Variants in ASCC2 observed in about 807,000 individuals in gnomAD.
ASCC2 encodes the protein activating signal cointegrator 1 complex subunit 2, also known as ASC-1 complex subunit P100.
In ASCC2, 42 loss-of-function variants were observed where a neutral mutation model predicts 93.5. That is an observed-to-expected ratio of 0.45 (90% CI 0.35 to 0.58). The LOEUF (loss-of-function observed/expected upper bound fraction) is 0.58, where lower values mean the gene tolerates loss of function less well. ASCC2 is among the 20% of genes least tolerant of loss of function. ASCC2 has a pLI of 0.00. For missense variants in ASCC2, 859 were observed against 977.6 expected (o/e 0.88, Z 1.62); for synonymous variants, 364 against 384.2 (o/e 0.95, Z 0.62).
Position 29,816,066 on chromosome 22 carries a change from G to C in ASCC2, c.549C>G (p.Ile183Met). 1 of 1,594,812 alleles carries C rather than the reference G, an allele frequency of 6.3e-7. No homozygotes were observed. Among genetic ancestry groups the C allele is most frequent in the Non-Finnish European group, 8.5e-7 (1 of 1,169,700 alleles). ...TGTAGTAACTTGGCTGCTGTGTAAA[G>C]ATGTTTCCTAAAAAGAGAAGAGAAA... ...SPLLQKMIGN[I>M]FTQQPSYYSD... The change falls in exon 6 of 20, where the codon ATC (isoleucine) becomes ATG (methionine). Residue 183 changes from isoleucine (I) to methionine (M), a missense_variant. By Grantham distance (10) the Ile-to-Met change is conservative. Coordinates refer to ENST00000307790, the MANE Select transcript of ASCC2 (RefSeq NM_032204.5).
chr22:29,834,095 T>C (rs2063485343), intron 1 of ASCC2: 1 of 171,070 alleles, frequency 5.8e-6, no homozygotes, highest in African/African-American at 2.4e-5. Flanking sequence ...CTAAGGTTAG[T>C]TCTATTATTA....
At chr22:29,798,354 T>C (rs1047504609) in intron 15 of ASCC2, among the ~76,000 whole-genome samples, 9 of 152,098 alleles carry the variant, frequency 5.9e-5, no homozygotes, top group African/African-American at 1.9e-4. Context: ...CTGGGAAAGG[T>C]ATCCTAGGCT....
intron 8 of ASCC2, among the ~76,000 whole-genome samples, chr22:29,811,311 AC>A (rs2060251956): frequency 6.6e-6 from 1 of 152,208 alleles, no homozygotes; most frequent in Admixed American, 6.5e-5. Context: ...GGAAAATTCC[AC>A]CAAAAAAACC....
chr22:29,814,257 G>A (rs1211487378), intron 7 of ASCC2, among the ~76,000 whole-genome samples: 1 of 152,172 alleles, frequency 6.6e-6, no homozygotes, highest in African/African-American at 2.4e-5. Flanking sequence ...ATGAGCGCAG[G>A]GGCCAGTCTG....
At chr22:29,835,288 C>G (rs1422756576) in intron 1 of ASCC2, among the ~76,000 whole-genome samples, 1 of 151,892 alleles carries the variant, frequency 6.6e-6, no homozygotes, top group Non-Finnish European at 1.5e-5. Context: ...GTCCCAGCTA[C>G]TTAGGAGGCT....
chr22:29,838,160 G>C lies in ASCC2; in HGVS notation c.-18+18C>G, dbSNP rs1249196717. 2 of 463,092 alleles carry C rather than the reference G, an allele frequency of 4.3e-6. No individual in the cohort carries two copies. Among genetic ancestry groups the C allele is most frequent in the Admixed American group, 2.3e-5 (1 of 42,718 alleles). The allele number at this position is 463,092 out of a possible 1,614,324, so 28.7% of individuals were successfully genotyped here. The stretch of plus-strand genomic sequence containing the variant: ...GGTCCCTTGCCCTGCATCTGGCAGG[G>C]ACCAGCCACGCACTCACCTCGGCGG... On this transcript the variant is annotated intron_variant, in intron 1 of 19. Transcript: ENST00000307790.
intron 5 of ASCC2, among the ~76,000 whole-genome samples, chr22:29,820,414 G>A (rs894356076): frequency 3.3e-5 from 5 of 151,588 alleles, no homozygotes; most frequent in African/African-American, 1.2e-4. Flanking sequence ...TGCCTGCCTC[G>A]GCCTCCCAAA....
In ASCC2 at chr22:29,790,548, G is replaced by A; in HGVS notation, c.2023C>T (p.Pro675Ser). Residue 675 changes from proline (P) to serine (S), a missense_variant and splice_region_variant, in exon 19 of 20, where the codon CCC becomes TCC. Coordinates refer to ENST00000307790, the MANE Select transcript of ASCC2 (RefSeq NM_032204.5). ...GCAGGGTCCTGAACAAAATGGTCGG[G>A]CTGTGGAAAGGAGAGGAGACCAAAT... ...EDDADEEAPK[P>S]DHFVQDPAVL... 6.2e-7 allele frequency: 1 copy of A among 1,614,034 alleles called. No individual in the cohort carries two copies. The highest frequency in any genetic ancestry group is 1.1e-5 in the South Asian group (1 of 91,076).
At chr22:29,791,835 G>A (rs950286340) in intron 18 of ASCC2, among the ~76,000 whole-genome samples, 3 of 152,210 alleles carry the variant, frequency 2.0e-5, no homozygotes, top group Admixed American at 6.5e-5. Context: ...GGCAGGGCAC[G>A]TGCTTCCCAC....
At chr22:29,813,755 A>G (rs2060535110) in intron 7 of ASCC2, among the ~76,000 whole-genome samples, 1 of 152,174 alleles carries the variant, frequency 6.6e-6, no homozygotes. Flanking sequence ...GCCTCAGGTC[A>G]TTACTCCAAT....
At chr22:29,811,656 G>A (rs1396515746) in intron 8 of ASCC2, among the ~76,000 whole-genome samples, 3 of 152,196 alleles carry the variant, frequency 2.0e-5, no homozygotes, top group Non-Finnish European at 4.4e-5. Context: ...AGGCAGTGTT[G>A]CCTTTAGTCA....
chr22:29,832,210 A>AT, intron 2 of ASCC2, 35 bp downstream of exon 2: 1 of 1,560,950 alleles, frequency 6.4e-7, no homozygotes, highest in Admixed American at 1.7e-5. Context: ...AAGACTGACA[A>AT]TATCAGGCTG....
At position 29,806,832 on chromosome 22, in the gene ASCC2, C is replaced by T. The variant is rs2059728885; in HGVS notation, c.981G>A (p.Leu327=). The T allele has an allele frequency of 1.9e-6, 3 of 1,613,972 alleles. No individual in the cohort carries two copies. Among genetic ancestry groups the T allele is most frequent in the East Asian group, 2.2e-5 (1 of 44,888 alleles). The change falls in exon 10 of 20, where the codon CTG becomes CTA. Residue 327 remains leucine, a synonymous_variant. Transcript: ENST00000307790. ...KKLMEIFHII[L]NQICLLPILE... Reference sequence around the variant, plus strand: ...GGATGGGAAGGAGGCAGATCTGGTTCAGGATGATGTGGAAAATCTCCATTA... The same window carrying T: ...GGATGGGAAGGAGGCAGATCTGGTTTAGGATGATGTGGAAAATCTCCATTA...
chr22:29,826,057 TCA>T (rs2062264243), intron 2 of ASCC2: 1 of 292,998 alleles, frequency 3.4e-6, no homozygotes, highest in East Asian at 6.2e-5. Context: ...TTTAATATAA[TCA>T]GTTTTCATTT....
At chr22:29,797,041 G>A (rs2058527752) in intron 15 of ASCC2, among the ~76,000 whole-genome samples, 1 of 152,138 alleles carries the variant, frequency 6.6e-6, no homozygotes, top group Admixed American at 6.5e-5. Flanking sequence ...AGTGAAGCCC[G>A]GGCACCTGGG....
At chr22:29,820,017 G>A (rs752495724) in intron 5 of ASCC2, among the ~76,000 whole-genome samples, 13 of 151,762 alleles carry the variant, frequency 8.6e-5, no homozygotes, top group African/African-American at 2.7e-4. Context: ...ATGCCACCAC[G>A]CCTAATTTTT....
At position 29,788,642 on chromosome 22, in the gene ASCC2, C is replaced by G. The variant is rs2068445272; in HGVS notation, c.*371G>C. 3 of 249,118 alleles carry G rather than the reference C, an allele frequency of 1.2e-5. No individual in the cohort carries two copies. The highest frequency in any genetic ancestry group is 5.7e-5 in the South Asian group (1 of 17,444). The allele number at this position is 249,118 out of a possible 1,614,324, so 15.4% of individuals were successfully genotyped here. ...AGGGTCAAAAATTTTATTAGCAGGA[C>G]TTTTTGTGTTTTTGAATATACAGGT... On this transcript the variant is annotated 3_prime_UTR_variant, in exon 20 of 20. Coordinates refer to ENST00000307790, the MANE Select transcript of ASCC2 (RefSeq NM_032204.5).
chr22:29,813,956 T>G lies in ASCC2; in HGVS notation c.721-414A>C, dbSNP rs115955652. Among the ~76,000 whole-genome samples the G allele has an allele frequency of 7.9e-3, 1,208 of 152,330 alleles. 16 individuals carry two copies. The highest frequency in any genetic ancestry group is 0.027 in the African/African-American group (1,139 of 41,564). On this transcript the variant is annotated intron_variant, in intron 7 of 19. Transcript: ENST00000307790. ...AGAGGGTATACAAAACACTTTCTTC[T>G]AAGTTTCTTACACACTTTCCTGGTT...
chr22:29,789,229 G>C (rs916218879), intron 19 of ASCC2, 45 bp from the exon 20 acceptor site: 7 of 1,611,980 alleles, frequency 4.3e-6, no homozygotes, highest in African/African-American at 1.3e-5. Flanking sequence ...TCAGCCGGAA[G>C]AGGCTCTGGC....
Sources: allele counts gnomAD v4.1 joint callset (sites outside exome capture counted in the v4.1 genomes callset), GRCh38; gene constraint gnomAD v4.1.1; transcripts MANE v1.5; gene names NCBI Gene and HGNC (gene_info 2026-07-23, HGNC 2026-07-21).